Variants in RBFOX1 observed in about 807,000 individuals in gnomAD.
RBFOX1 encodes RNA binding protein fox-1 homolog 1.
In RBFOX1, 8 loss-of-function variants were observed where a neutral mutation model predicts 57.7. The ratio of observed to expected loss-of-function variants is 0.14; its 90% CI spans 0.08 to 0.25. The LOEUF (loss-of-function observed/expected upper bound fraction) is 0.25, where lower values mean the gene tolerates loss of function less well. Among genes scored for constraint, RBFOX1 ranks in the 10% least tolerant of loss-of-function variants. The pLI, the probability that RBFOX1 is intolerant of heterozygous loss-of-function variation, is 1.00. For synonymous variants in RBFOX1, 326 were observed against 222.4 expected, an observed-to-expected ratio of 1.47 and a Z score of -4.15; for missense variants, 611 against 548.5, an observed-to-expected ratio of 1.11 and a Z score of -1.14.
At chr16:6,357,563 C>T (rs2087583978) in intron 2 of RBFOX1, among the ~76,000 whole-genome samples, 1 of 150,590 alleles carries the variant, frequency 6.6e-6, no homozygotes, top group South Asian at 2.1e-4. Context: ...CTCTCTCTTG[C>T]TTGCTCTCTC....
intron 4 of RBFOX1, among the ~76,000 whole-genome samples, chr16:7,303,446 G>C (rs2096080821): frequency 6.6e-6 from 1 of 152,246 alleles, no homozygotes; most frequent in East Asian, 1.9e-4. Flanking sequence ...GGTCCCAGCT[G>C]GGCCATCGCG....
At chr16:7,434,858 G>C (rs894561752) in intron 4 of RBFOX1, among the ~76,000 whole-genome samples, 1 of 151,862 alleles carries the variant, frequency 6.6e-6, no homozygotes, top group African/African-American at 2.4e-5. Context: ...TCTAGCCTCA[G>C]CCTCCTGGGT....
At chr16:7,364,582 A>C (rs1025316272) in intron 4 of RBFOX1, among the ~76,000 whole-genome samples, 52 of 150,654 alleles carry the variant, frequency 3.5e-4, no homozygotes, top group African/African-American at 1.2e-3. Context: ...GACCAAAAAA[A>C]AAAAAAACAA....
At chr16:7,017,535 C>T (rs890123774) in intron 3 of RBFOX1, among the ~76,000 whole-genome samples, 20 of 152,222 alleles carry the variant, frequency 1.3e-4, no homozygotes, top group African/African-American at 4.6e-4. Flanking sequence ...AAGAAGCCAA[C>T]GGAACAGAGA....
chr16:7,710,495 G>T, intron 15 of RBFOX1, 128 bp from the exon 16 acceptor site: 4 of 1,551,350 alleles, frequency 2.6e-6, no homozygotes, highest in Admixed American at 4.3e-5. Flanking sequence ...GAATGACCTG[G>T]GATGGGTAGG....
At chr16:7,519,672 T>A (rs538849717) in intron 5 of RBFOX1, 1 of 985,216 alleles carries the variant, frequency 1.0e-6, no homozygotes, top group East Asian at 1.1e-4. Context: ...CTTTAGAAGC[T>A]TGGGAACCCC....
At chr16:6,607,989 G>A (rs2097969177) in intron 2 of RBFOX1, among the ~76,000 whole-genome samples, 1 of 152,100 alleles carries the variant, frequency 6.6e-6, no homozygotes, top group African/African-American at 2.4e-5. Flanking sequence ...CCCTTTACTG[G>A]GAAGGCTTTG....
At chr16:5,302,223 C>A (rs528329632) in intron 1 of RBFOX1, among the ~76,000 whole-genome samples, 2 of 152,082 alleles carry the variant, frequency 1.3e-5, no homozygotes, top group African/African-American at 4.8e-5. Context: ...TATTTAATTT[C>A]TAAATATTTG....
At chr16:5,337,674 T>C (rs554345824) in intron 1 of RBFOX1, among the ~76,000 whole-genome samples, 2 of 152,344 alleles carry the variant, frequency 1.3e-5, no homozygotes, top group Admixed American at 1.3e-4. Context: ...TAATTGGTGA[T>C]GTAAATCTGG....
At chr16:5,485,359 A>AAAAAAAAAAAG (rs1319515383) in intron 2 of RBFOX1, among the ~76,000 whole-genome samples, 1 of 150,148 alleles carries the variant, frequency 6.7e-6, no homozygotes, top group Non-Finnish European at 1.5e-5. Context: ...AAAAAAAAAA[A>AAAAAAAAAAAG]AAAAAAAAAG....
chr16:7,657,327 C>T (rs7184252), intron 12 of RBFOX1, among the ~76,000 whole-genome samples: 39,377 of 152,076 alleles, frequency 0.26, 5,614 homozygotes, highest in East Asian at 0.44. Context: ...TTTTTTGAGA[C>T]GGAGTCTTAC....
intron 3 of RBFOX1, among the ~76,000 whole-genome samples, chr16:5,735,750 G>A (rs769654016): frequency 2.0e-5 from 3 of 152,050 alleles, no homozygotes; most frequent in Admixed American, 6.6e-5. Flanking sequence ...GGTGGTGGGC[G>A]GCTGTAATCC....
chr16:6,193,392 C>CATTATATATATATAATATATATATATATA (rs1555545384), intron 1 of RBFOX1, among the ~76,000 whole-genome samples: 1 of 43,222 alleles, frequency 2.3e-5, no homozygotes, highest in East Asian at 6.7e-4. Flanking sequence ...TATATATATA[C>CATTATATATATATAATATATATATATATA]TATATATATA....
chr16:5,751,423 C>T (rs138803468), intron 3 of RBFOX1, among the ~76,000 whole-genome samples: 2 of 152,224 alleles, frequency 1.3e-5, no homozygotes, highest in African/African-American at 4.8e-5. Flanking sequence ...GGGCGGATAC[C>T]GTCTCCACCC....
chr16:5,493,198 G>T (rs571048131), intron 2 of RBFOX1, among the ~76,000 whole-genome samples: 2 of 152,224 alleles, frequency 1.3e-5, no homozygotes, highest in South Asian at 4.1e-4. Flanking sequence ...TTTCATTTTT[G>T]CCCTGAAATT....
In RBFOX1 at chr16:6,450,739, TTTTATATATATATACATATATA is replaced by T. The variant is rs2094571318; in HGVS notation, c.-64+133684_-64+133705del. Among the ~76,000 whole-genome samples, 5 of 85,370 alleles carry T rather than the reference TTTTATATATATATACATATATA, an allele frequency of 5.9e-5. No individual in the cohort carries two copies. The South Asian group carries it at 1.9e-3, about 33-fold the overall frequency. The allele number at this position is 85,370 out of a possible 152,430, so 56.0% of individuals were successfully genotyped here. On this transcript the variant is annotated intron_variant, in intron 2 of 15. Transcript: ENST00000550418. ...CCTGTGGTGGTGGCAGGGGAATAAA[TTTTATATATATATACATATATA>T]TATGTGTATATATATATATATATAT...
At chr16:7,208,218 G>C (rs2090392990) in intron 4 of RBFOX1, among the ~76,000 whole-genome samples, 2 of 152,134 alleles carry the variant, frequency 1.3e-5, no homozygotes, top group Admixed American at 6.6e-5. Flanking sequence ...TCTATAATCG[G>C]CCAGATTGTC....
chr16:7,710,533 G>A (rs951498907), intron 15 of RBFOX1, 90 bp from the exon 16 acceptor site: 7 of 1,582,774 alleles, frequency 4.4e-6, no homozygotes, highest in Admixed American at 3.7e-5. Context: ...TTGGTTTTGA[G>A]TGTCTATTTT....
At chr16:6,980,460 C>G (rs1042861246) in intron 3 of RBFOX1, among the ~76,000 whole-genome samples, 1 of 152,120 alleles carries the variant, frequency 6.6e-6, no homozygotes, top group East Asian at 1.9e-4. Flanking sequence ...AACTTGTCTT[C>G]TTATGTTGAA....
Sources: gnomAD v4.1 joint callset for allele counts (sites outside exome capture counted in the v4.1 genomes callset) on GRCh38, gnomAD v4.1.1 for gene constraint, MANE v1.5 for transcripts, NCBI Gene and HGNC (gene_info 2026-07-23, HGNC 2026-07-21) for gene names.